DCT: variants seen among roughly 807,000 people sequenced by gnomAD.
DCT encodes the protein L-dopachrome tautomerase.
DCT carries 47 observed loss-of-function variants against 53.0 expected under a neutral mutation model. That is an observed-to-expected ratio of 0.89 (90% confidence interval 0.70 to 1.13). DCT has a LOEUF of 1.13. DCT is among the 50% of genes most tolerant of loss of function. DCT has a pLI of 0.00. For missense variants in DCT, 669 were observed against 637.4 expected, an observed-to-expected ratio of 1.05 and a Z score of -0.53; for synonymous variants, 244 against 237.0, an observed-to-expected ratio of 1.03 and a Z score of -0.27.
the DCT span, among the ~76,000 whole-genome samples, chr13:94,519,625 G>A: frequency 6.6e-6 from 1 of 152,196 alleles, no homozygotes; most frequent in African/African-American, 2.4e-5. Context: ...TGGGTTAGGA[G>A]CTTCAATCCA....
chr13:94,525,088 C>T, the DCT span, among the ~76,000 whole-genome samples: 2 of 149,254 alleles, frequency 1.3e-5, no homozygotes, highest in Admixed American at 6.7e-5. Context: ...GAGGCTCCAG[C>T]GCTGTGAAGT....
At chr13:94,514,137 G>C in the DCT span, among the ~76,000 whole-genome samples, 1 of 152,108 alleles carries the variant, frequency 6.6e-6, no homozygotes, top group Admixed American at 6.5e-5. Flanking sequence ...GAAAGCAAAA[G>C]CCATCGACAC....
At chr13:94,528,029 A>AAGGATC in the DCT span, among the ~76,000 whole-genome samples, 1 of 152,206 alleles carries the variant, frequency 6.6e-6, no homozygotes, top group Non-Finnish European at 1.5e-5. Context: ...AAGTGGAAGA[A>AAGGATC]AGGATCTCAG....
At chr13:94,531,280 GA>G in the DCT span, among the ~76,000 whole-genome samples, 1 of 151,996 alleles carries the variant, frequency 6.6e-6, no homozygotes, top group Non-Finnish European at 1.5e-5. Flanking sequence ...CATAGAATTG[GA>G]AAAAACTACT....
the DCT span, among the ~76,000 whole-genome samples, chr13:94,524,903 T>C: frequency 6.6e-6 from 1 of 152,028 alleles, no homozygotes; most frequent in South Asian, 2.1e-4. Context: ...AAAGGGGAAA[T>C]TTGGATACGT....
the DCT span, among the ~76,000 whole-genome samples, chr13:94,508,547 A>C: frequency 2.0e-5 from 3 of 152,238 alleles, no homozygotes; most frequent in South Asian, 6.2e-4. Flanking sequence ...AAGAGTCTCA[A>C]CCTTGTCATA....
the DCT span, among the ~76,000 whole-genome samples, chr13:94,510,600 C>T: frequency 6.6e-6 from 1 of 152,166 alleles, no homozygotes; most frequent in African/African-American, 2.4e-5. Flanking sequence ...TTTCTTTTTA[C>T]TTTCTGATGT....
rs1883839469 is a variant in DCT at position 94,462,080 on chromosome 13, T to G, written c.973A>C (p.Ile325Leu). The G allele has an allele frequency of 7.4e-6, 12 of 1,613,098 alleles. No homozygotes were observed. The East Asian group carries it at 2.7e-4, about 36-fold the overall frequency. ...TTCTGGAGAGACAGGCAATCTCGTA[T>G]GTCTTTTAAGGTTGGCAATTTCATG... is the stretch of plus-strand genomic sequence containing the variant. ...NSMKLPTLKD[I>L]RDCLSLQKFD... The change falls in exon 5 of 8, where the codon ATA (isoleucine) becomes CTA (leucine). Residue 325 changes from isoleucine (I) to leucine (L), a missense_variant. Transcript: ENST00000377028.
the DCT span, among the ~76,000 whole-genome samples, chr13:94,542,424 C>T: frequency 1.3e-5 from 2 of 152,164 alleles, no homozygotes; most frequent in African/African-American, 2.4e-5. Flanking sequence ...GTCCTGACCT[C>T]AAGTGATCCG....
chr13:94,480,721 G>A (rs1885407065), upstream of DCT, among the ~76,000 whole-genome samples: 1 of 152,162 alleles, frequency 6.6e-6, no homozygotes, highest in African/African-American at 2.4e-5. Context: ...CTCTGAGGAT[G>A]TTCCAGACAC....
chr13:94,527,213 A>G, the DCT span, among the ~76,000 whole-genome samples: 1 of 152,230 alleles, frequency 6.6e-6, no homozygotes, highest in Admixed American at 6.5e-5. Context: ...ATAGTAGAAC[A>G]AAAGGCAGCG....
chr13:94,451,271 G>C (rs552918859), intron 6 of DCT, among the ~76,000 whole-genome samples: 1 of 152,284 alleles, frequency 6.6e-6, no homozygotes, highest in Admixed American at 6.5e-5. Context: ...TGAAAGCAAT[G>C]ACTATCATTT....
At chr13:94,548,890 G>A in the DCT span, among the ~76,000 whole-genome samples, 1 of 152,174 alleles carries the variant, frequency 6.6e-6, no homozygotes, top group Admixed American at 6.5e-5. Context: ...TTAAACACCC[G>A]CTGCTAGGCC....
intron 1 of DCT, among the ~76,000 whole-genome samples, chr13:94,474,373 A>G (rs528094192): frequency 2.6e-5 from 4 of 152,224 alleles, no homozygotes; most frequent in Non-Finnish European, 5.9e-5. Context: ...TGAATTTACA[A>G]GGAACTCTAA....
the DCT span, among the ~76,000 whole-genome samples, chr13:94,545,277 T>G: frequency 6.6e-6 from 1 of 152,036 alleles, no homozygotes; most frequent in Non-Finnish European, 1.5e-5. Context: ...TGGGCCATGG[T>G]CAGACCATAT....
chr13:94,542,442 C>T, the DCT span, among the ~76,000 whole-genome samples: 3 of 152,170 alleles, frequency 2.0e-5, no homozygotes, highest in African/African-American at 4.8e-5. Context: ...CCGCCCGCCT[C>T]GGCCTCCCAA....
chr13:94,467,840 C>T (rs1884331513), intron 2 of DCT: 1 of 151,926 alleles, frequency 6.6e-6, no homozygotes, highest in South Asian at 2.1e-4. Flanking sequence ...ATGAAGGACC[C>T]CAAAAATGGG....
At chr13:94,451,919 GT>G (rs57931231) in intron 6 of DCT, among the ~76,000 whole-genome samples, 25 of 149,688 alleles carry the variant, frequency 1.7e-4, no homozygotes, top group African/African-American at 3.4e-4. Context: ...AATATTTAGG[GT>G]TTTTTTTTTC....
At chr13:94,542,133 A>T in the DCT span, among the ~76,000 whole-genome samples, 6,198 of 152,238 alleles carry the variant, frequency 0.041, 399 homozygotes, top group African/African-American at 0.14. Flanking sequence ...AGTCTGTGTT[A>T]CTATACAAGC....
Sources: allele counts gnomAD v4.1 joint callset (sites outside exome capture counted in the v4.1 genomes callset), GRCh38; gene constraint gnomAD v4.1.1; transcripts MANE v1.5; gene names NCBI Gene and HGNC (gene_info 2026-07-23, HGNC 2026-07-21).